LRWD1: variants seen among roughly 807,000 people sequenced by gnomAD.
LRWD1 encodes leucine-rich repeat and WD repeat-containing protein 1.
Under a neutral mutation model 75.6 loss-of-function variants are expected in LRWD1, and 76 were observed. The ratio of observed to expected loss-of-function variants is 1.01; its 90% confidence interval spans 0.84 to 1.22. The LOEUF (loss-of-function observed/expected upper bound fraction) is 1.22. Among genes scored for constraint, LRWD1 ranks in the 50% most tolerant of loss-of-function variants. LRWD1 has a pLI of 0.00. For synonymous variants in LRWD1, 487 were observed against 377.0 expected (o/e 1.29, Z -3.38); for missense variants, 917 against 862.0 (o/e 1.06, Z -0.80).
At chr7:102,467,543 C>A in intron 4 of LRWD1, 64 bp downstream of exon 4, 1 of 1,595,074 alleles carries the variant, frequency 6.3e-7, no homozygotes, top group Admixed American at 1.7e-5. Flanking sequence ...CCTGGAGGTC[C>A]CTGGCCATGA....
chr7:102,467,294 G>A (rs182170193), intron 3 of LRWD1, 45 bp from the exon 4 acceptor site: 7 of 1,555,368 alleles, frequency 4.5e-6, no homozygotes, highest in Non-Finnish European at 6.1e-6. Flanking sequence ...TGGGTCCGGA[G>A]GAGCTGGGGT....
chr7:102,468,478 G>GGGA, intron 7 of LRWD1, 76 bp from the exon 8 acceptor site: 1 of 1,538,838 alleles, frequency 6.5e-7, no homozygotes. Flanking sequence ...CATCAAGGCT[G>GGGA]GGAGGAGGAG....
At position 102,472,464 on chromosome 7, in the gene LRWD1, G is replaced by C. The variant is rs867086803; in HGVS notation, c.1545G>C (p.Gly515=). 3.7e-5 allele frequency: 57 copies of C among 1,536,232 alleles called. No individual in the cohort carries two copies. Among genetic ancestry groups the C allele is most frequent in the Non-Finnish European group, 4.5e-5 (51 of 1,138,724 alleles). The change falls in exon 13 of 15, where the codon GGG becomes GGC. Residue 515 remains glycine (G), a synonymous_variant. Transcript: ENST00000292616. Reference sequence around the variant, plus strand: ...CCTTCTCCCCCACAGCCTCCAAGGGGAGCGGCCTGGGCACCATCTGCCTGT... The same window carrying C: ...CCTTCTCCCCCACAGCCTCCAAGGGCAGCGGCCTGGGCACCATCTGCCTGT... ...FVNEDIVASK[G]SGLGTICLWS...
chr7:102,465,228 C>A, intron 1 of LRWD1, 68 bp downstream of exon 1: 1 of 1,327,750 alleles, frequency 7.5e-7, no homozygotes, highest in Non-Finnish European at 9.8e-7. Flanking sequence ...AGCGGGGACC[C>A]TCCCCAACGG....
intron 11 of LRWD1, chr7:102,470,197 C>T (rs117742273): frequency 0.025 from 8,393 of 339,490 alleles, 163 homozygotes; most frequent in South Asian, 0.044. Flanking sequence ...GTCCTCTGTG[C>T]TGGCATAATG....
In LRWD1 at chr7:102,467,372, C is replaced by G; in HGVS notation, c.466C>G (p.Leu156Val). Residue 156 changes from leucine (L) to valine (V), a missense_variant, in exon 4 of 15, where the codon CTG becomes GTG. Leu to Val is a conservative substitution (Grantham distance 32). Transcript: ENST00000292616. The stretch of plus-strand genomic sequence containing the variant: ...TCACTGGGAGAAGTTCATGGCCACA[C>G]TGGGTCCTGAAGAGGAGGCTGAGAA... ...TAHWEKFMAT[L>V]GPEEEAEKAQ... 2 of 1,612,972 alleles carry G rather than the reference C, an allele frequency of 1.2e-6. No individual in the cohort carries two copies. The highest frequency in any genetic ancestry group is 1.7e-6 in the Non-Finnish European group (2 of 1,179,608).
Position 102,472,460 on chromosome 7 carries a change from A to AG in LRWD1, c.1545dup (p.Ser516GlufsTer49), listed in dbSNP as rs1563658782. On this transcript the variant is annotated frameshift_variant, in exon 13 of 15. Transcript: ENST00000292616. LOFTEE classifies it high-confidence loss of function. Reference sequence around the variant, plus strand: ...TCTCCCTTCTCCCCCACAGCCTCCAAGGGGAGCGGCCTGGGCACCATCTGC... The same window carrying AG: ...TCTCCCTTCTCCCCCACAGCCTCCAAGGGGGAGCGGCCTGGGCACCATCTGC... 2 of 1,536,388 alleles carry AG rather than the reference A, an allele frequency of 1.3e-6. No homozygotes were observed. The highest frequency in any genetic ancestry group is 8.8e-7 in the Non-Finnish European group (1 of 1,138,630).
In LRWD1 at chr7:102,472,798, C is replaced by CA; in HGVS notation, c.1798dup (p.Thr600AsnfsTer?). ...TGCTGCCGGCAGCCCTGCAGGCCCC[C>CA]ACACAGGTACTGCCCGGCTCACCCT... On this transcript the variant is annotated frameshift_variant, in exon 14 of 15. Transcript: ENST00000292616. LOFTEE classifies it high-confidence loss of function. The CA allele has an allele frequency of 3.1e-6, 5 of 1,613,316 alleles. No individual in the cohort carries two copies. Among genetic ancestry groups the CA allele is most frequent in the Non-Finnish European group, 4.2e-6 (5 of 1,179,884 alleles).
intron 3 of LRWD1, among the ~76,000 whole-genome samples, 193 bp from the exon 4 acceptor site, chr7:102,467,125 GTGTGTGTGTGTGTAGGCACCT>G (rs1563654016): frequency 1.2e-3 from 149 of 120,768 alleles, no homozygotes; most frequent in Non-Finnish European, 2.2e-3. Flanking sequence ...TGGGGTGTGT[GTGTGTGTGTGTGTAGGCACCT>G]GGGTTGTTGC....
chr7:102,471,197 G>C (rs1048150769), intron 11 of LRWD1: 2 of 152,192 alleles, frequency 1.3e-5, no homozygotes, highest in African/African-American at 4.8e-5. Flanking sequence ...CTCCCAAAGT[G>C]CCAGGATTAC....
At chr7:102,466,973 A>T (rs1798003787) in intron 3 of LRWD1, among the ~76,000 whole-genome samples, 1 of 149,912 alleles carries the variant, frequency 6.7e-6, no homozygotes, top group Non-Finnish European at 1.5e-5. Context: ...TAGAGATGGG[A>T]TCTTGCTCTG....
chr7:102,467,999 C>T (rs78815001), intron 5 of LRWD1, 63 bp from the exon 6 acceptor site: 105,254 of 1,578,934 alleles, frequency 0.067, 3,826 homozygotes, highest in Non-Finnish European at 0.074. Flanking sequence ...GGGGTCCAGC[C>T]TGTGATGGGG....
At chr7:102,469,179 T>A in intron 9 of LRWD1, 117 bp downstream of exon 9, 1 of 862,174 alleles carries the variant, frequency 1.2e-6, no homozygotes, top group Non-Finnish European at 1.8e-6. Flanking sequence ...CGGGCCCCAG[T>A]CTGCACCGCT....
In LRWD1 at chr7:102,472,895, T is replaced by TC. The variant is rs747068254; in HGVS notation, c.1804-13dup. The TC allele has an allele frequency of 7.9e-7, 1 of 1,266,032 alleles. No individual in the cohort carries two copies. Among genetic ancestry groups the TC allele is most frequent in the Non-Finnish European group, 1.1e-6 (1 of 883,688 alleles). The allele number at this position is 1,266,032 out of a possible 1,614,324, so 78.4% of individuals were successfully genotyped here. A position where few individuals can be genotyped will look rare whatever the true frequency, so the allele number is the denominator to read the frequency against. On this transcript the variant is annotated splice_polypyrimidine_tract_variant and intron_variant, in intron 14 of 14. Transcript: ENST00000292616. ...GCAGGAGCCCAGCCCAGCCCTCCCC[T>TC]CTCTCCCCACCAGATCCTGAAGTGG... is the stretch of plus-strand genomic sequence containing the variant.
intron 11 of LRWD1, chr7:102,472,017 C>T: frequency 1.7e-6 from 1 of 577,288 alleles, no homozygotes; most frequent in South Asian, 1.9e-5. Context: ...ACTACTGTGA[C>T]TCGGGACACT....
chr7:102,469,514 C>T lies in LRWD1; in HGVS notation c.1229-60C>T, dbSNP rs573603662. On this transcript the variant is annotated intron_variant, in intron 9 of 14. Coordinates refer to ENST00000292616, the MANE Select transcript of LRWD1 (RefSeq NM_152892.3). The stretch of plus-strand genomic sequence containing the variant: ...CCGTGGGCTCAGCCTGGGATGCAGC[C>T]AGCAGGAGGGAGCAGGGTCATCTCA... 1.6e-5 allele frequency: 25 copies of T among 1,594,420 alleles called. No individual in the cohort carries two copies. The South Asian group carries it at 2.4e-4, about 16-fold the overall frequency.
Position 102,466,183 on chromosome 7 carries a change from C to G in LRWD1, c.345C>G (p.Leu115=), listed in dbSNP as rs146833808. 10 of 1,614,072 alleles carry G rather than the reference C, an allele frequency of 6.2e-6. No homozygotes were observed. In the East Asian group the frequency reaches 1.3e-4, roughly 22 times the overall value. The change falls in exon 3 of 15, where the codon CTC becomes CTG. Residue 115 remains leucine (L), a synonymous_variant. Coordinates refer to ENST00000292616, the MANE Select transcript of LRWD1 (RefSeq NM_152892.3). The part of the protein sequence containing the change: ...TVNDNLKVSF[L]LPTLRKVNGK... ...ATGACAACCTGAAAGTCTCCTTTCT[C>G]CTGCCCACGCTCCGTAAGGTCAATG...
At position 102,468,321 on chromosome 7, in the gene LRWD1, C is replaced by T. The variant is rs1372587872; in HGVS notation, c.863C>T (p.Pro288Leu). 1.2e-6 allele frequency: 2 copies of T among 1,612,684 alleles called. No homozygotes were observed. Among genetic ancestry groups the T allele is most frequent in the Non-Finnish European group, 1.7e-6 (2 of 1,179,578 alleles). The change falls in exon 7 of 15, where the codon CCC becomes CTC. Residue 288 changes from proline to leucine, a missense_variant. By Grantham distance (98) the Pro-to-Leu change is moderately conservative (BLOSUM62 -3). Transcript: ENST00000292616. Reference protein sequence around the residue: ...FLQCHSKNNSPQDLETQLWAC... With the variant: ...FLQCHSKNNSLQDLETQLWAC... ...CAGTGCCACAGCAAGAACAACAGCC[C>T]CCAGGACCTCGAGACCCAGCTGTGG...
chr7:102,469,308 G>C (rs917050461), intron 9 of LRWD1, among the ~76,000 whole-genome samples: 1 of 152,212 alleles, frequency 6.6e-6, no homozygotes, highest in Admixed American at 6.5e-5. Context: ...CAGTGACCTG[G>C]GGGGATGCCC....
Sources: allele counts gnomAD v4.1 joint callset (sites outside exome capture counted in the v4.1 genomes callset), GRCh38; gene constraint gnomAD v4.1.1; transcripts MANE v1.5; gene names NCBI Gene and HGNC (gene_info 2026-07-23, HGNC 2026-07-21).